The following RBFOX1 variants were observed in gnomAD, a reference collection of about 807,000 sequenced individuals.
The protein encoded by RBFOX1 is RNA binding protein fox-1 homolog 1.
In RBFOX1, 8 loss-of-function variants were observed where a neutral mutation model predicts 57.7. The observed-to-expected ratio is 0.14, with a 90% CI of 0.08 to 0.25. The LOEUF is 0.25. Among genes scored for constraint, RBFOX1 ranks in the 10% least tolerant of loss-of-function variants. RBFOX1 has a pLI of 1.00. For synonymous variants in RBFOX1, 326 were observed against 222.4 expected (o/e 1.47, Z -4.15); for missense variants, 611 against 548.5 (o/e 1.11, Z -1.14).
intron 2 of RBFOX1, among the ~76,000 whole-genome samples, chr16:6,338,394 A>C (rs2084058052): frequency 6.6e-6 from 1 of 152,202 alleles, no homozygotes; most frequent in Admixed American, 6.5e-5. Context: ...TAATTACTAG[A>C]ATATCAGTCA....
chr16:6,381,904 T>C (rs1284519701), intron 2 of RBFOX1, among the ~76,000 whole-genome samples: 2 of 152,190 alleles, frequency 1.3e-5, no homozygotes, highest in Non-Finnish European at 1.5e-5. Flanking sequence ...GCACTGCAGA[T>C]TCCACGAGGG....
intron 1 of RBFOX1, among the ~76,000 whole-genome samples, chr16:6,263,340 G>C (rs537926972): frequency 1.3e-5 from 2 of 152,082 alleles, no homozygotes; most frequent in Non-Finnish European, 2.9e-5. Context: ...CTGTGGGGCC[G>C]GTGTGGGATG....
intron 1 of RBFOX1, among the ~76,000 whole-genome samples, chr16:5,392,334 G>C (rs2066434730): frequency 6.6e-6 from 1 of 152,010 alleles, no homozygotes; most frequent in African/African-American, 2.4e-5. Flanking sequence ...ATCATATTAG[G>C]ACTCAGCCTG....
At chr16:6,873,199 G>T (rs75158501) in intron 3 of RBFOX1, among the ~76,000 whole-genome samples, 1 of 151,472 alleles carries the variant, frequency 6.6e-6, no homozygotes, top group Non-Finnish European at 1.5e-5. Context: ...ACGAGGAGTA[G>T]AGATTTTTGC....
At chr16:6,110,838 G>A (rs1401425085) in intron 1 of RBFOX1, among the ~76,000 whole-genome samples, 1 of 152,108 alleles carries the variant, frequency 6.6e-6, no homozygotes, top group Non-Finnish European at 1.5e-5. Flanking sequence ...GGCCAGAGAC[G>A]GTGCTAATAA....
chr16:7,053,148 A>C (rs2050688489), intron 4 of RBFOX1, among the ~76,000 whole-genome samples: 1 of 152,180 alleles, frequency 6.6e-6, no homozygotes, highest in Non-Finnish European at 1.5e-5. Context: ...CTTCCATTTC[A>C]CAGTTGCTGT....
At chr16:7,050,289 G>A (rs1252850404) in intron 3 of RBFOX1, among the ~76,000 whole-genome samples, 4 of 143,676 alleles carry the variant, frequency 2.8e-5, no homozygotes, top group African/African-American at 1.0e-4. Context: ...TTTTGAGATG[G>A]AGTTTCACTC....
intron 5 of RBFOX1, among the ~76,000 whole-genome samples, chr16:7,531,879 C>T (rs2080169212): frequency 6.6e-6 from 1 of 152,118 alleles, no homozygotes; most frequent in African/African-American, 2.4e-5. Flanking sequence ...ACTAAACCCA[C>T]ACACATCCTT....
chr16:6,711,339 G>T lies in RBFOX1; in HGVS notation c.-16+56689G>T, dbSNP rs1326185707. ...AAAAGTCCTTGAAATTTTTCACAAGGTCCCCACATTCTGGTCCCTACCAAC... is the reference window on the plus strand; with the variant it reads ...AAAAGTCCTTGAAATTTTTCACAAGTTCCCCACATTCTGGTCCCTACCAAC... On this transcript the variant is annotated intron_variant, in intron 3 of 15. Transcript: ENST00000550418. 2.0e-5 allele frequency among the ~76,000 whole-genome samples: 3 copies of T among 152,014 alleles called. No homozygotes were observed. The East Asian group carries it at 5.8e-4, about 29-fold the overall frequency.
At chr16:6,967,456 G>T (rs927340966) in intron 3 of RBFOX1, among the ~76,000 whole-genome samples, 1 of 152,186 alleles carries the variant, frequency 6.6e-6, no homozygotes, top group African/African-American at 2.4e-5. Context: ...CTAGGATTAG[G>T]ATGGGGGCAG....
At chr16:6,072,617 G>GT (rs542049537) in intron 1 of RBFOX1, among the ~76,000 whole-genome samples, 11,163 of 142,896 alleles carry the variant, frequency 0.078, 917 homozygotes, top group African/African-American at 0.21. Context: ...GCCAACAATT[G>GT]TTTTTTTTTT....
rs1053591952 is a variant in RBFOX1, at chr16:7,075,533, C to T, written c.27+23435C>T. On this transcript the variant is annotated intron_variant, in intron 4 of 15. Coordinates refer to ENST00000550418, the MANE Select transcript of RBFOX1 (RefSeq NM_018723.4). ...ACAATAAGTATTAAAAAATAAAAGCCCACACAACTTTGGGTTTGCATTTCT... is the reference window on the plus strand; with the variant it reads ...ACAATAAGTATTAAAAAATAAAAGCTCACACAACTTTGGGTTTGCATTTCT... Among the ~76,000 whole-genome samples, 3 of 152,002 alleles carry T rather than the reference C, an allele frequency of 2.0e-5. No individual in the cohort carries two copies. The East Asian group carries it at 5.8e-4, about 29-fold the overall frequency.
intron 4 of RBFOX1, among the ~76,000 whole-genome samples, chr16:7,140,217 T>C (rs1345052972): frequency 7.0e-6 from 1 of 143,156 alleles, no homozygotes; most frequent in Non-Finnish European, 1.5e-5. Flanking sequence ...TCCCAATTTG[T>C]CCATTTTCTG....
chr16:7,390,864 G>A (rs1232614223), intron 4 of RBFOX1, among the ~76,000 whole-genome samples: 1 of 152,110 alleles, frequency 6.6e-6, no homozygotes, highest in Non-Finnish European at 1.5e-5. Context: ...TGTACGCCCT[G>A]GGGATATGGA....
chr16:6,025,246 G>A (rs542429460), intron 1 of RBFOX1, among the ~76,000 whole-genome samples: 12 of 152,298 alleles, frequency 7.9e-5, no homozygotes, highest in Admixed American at 1.3e-4. Flanking sequence ...GTCTGTGGAC[G>A]TAGTGACATC....
intron 1 of RBFOX1, among the ~76,000 whole-genome samples, chr16:5,436,583 G>A (rs1330421522): frequency 6.6e-6 from 1 of 152,212 alleles, no homozygotes; most frequent in Non-Finnish European, 1.5e-5. Flanking sequence ...GTTCATTCGT[G>A]TAATCCTAGC....
intron 1 of RBFOX1, among the ~76,000 whole-genome samples, chr16:6,060,673 G>A (rs115587695): frequency 1.3e-3 from 193 of 152,250 alleles, no homozygotes; most frequent in African/African-American, 4.4e-3. Context: ...CAAACCACTC[G>A]TACTACCTTA....
At chr16:5,783,259 C>G (rs2054385670) in intron 3 of RBFOX1, among the ~76,000 whole-genome samples, 1 of 152,140 alleles carries the variant, frequency 6.6e-6, no homozygotes, top group African/African-American at 2.4e-5. Flanking sequence ...ACCTGTGTAA[C>G]TATCTTTTCA....
intron 4 of RBFOX1, among the ~76,000 whole-genome samples, chr16:7,075,747 A>C (rs1161998143): frequency 2.6e-5 from 4 of 151,426 alleles, no homozygotes; most frequent in Non-Finnish European, 4.4e-5. Flanking sequence ...CGCTCGGCTA[A>C]TTTTTTTTAT....
Sources: allele counts gnomAD v4.1 joint callset (sites outside exome capture counted in the v4.1 genomes callset), GRCh38; gene constraint gnomAD v4.1.1; transcripts MANE v1.5; gene names NCBI Gene and HGNC (gene_info 2026-07-23, HGNC 2026-07-21).